Variants in CSMD1 observed in about 807,000 individuals in gnomAD.
CSMD1 encodes the protein CUB and Sushi multiple domains 1.
In CSMD1, 213 loss-of-function variants were observed where a neutral mutation model predicts 417.5. That is an observed-to-expected ratio of 0.51 (90% CI 0.46 to 0.57). The LOEUF is 0.57. Among genes scored for constraint, CSMD1 ranks in the 20% least tolerant of loss-of-function variants. The pLI is 0.00. For synonymous variants in CSMD1, 2,862 were observed against 1,736.8 expected (o/e 1.65, Z -16.11); for missense variants, 6,923 against 4,529.7 (o/e 1.53, Z -15.17).
At chr8:4,016,581 C>T (rs772433893) in intron 4 of CSMD1, among the ~76,000 whole-genome samples, 1 of 152,126 alleles carries the variant, frequency 6.6e-6, no homozygotes. Context: ...GTCCTCAATC[C>T]TAAAAAGCCT....
chr8:3,196,545 A>G (rs1207646577), intron 33 of CSMD1, among the ~76,000 whole-genome samples: 1 of 152,136 alleles, frequency 6.6e-6, no homozygotes, highest in African/African-American at 2.4e-5. Context: ...AGATACTCTT[A>G]TACTTCAGGA....
intron 5 of CSMD1, among the ~76,000 whole-genome samples, chr8:3,939,929 C>T (rs965331494): frequency 2.6e-5 from 4 of 152,022 alleles, no homozygotes; most frequent in African/African-American, 9.7e-5. Flanking sequence ...TCTCGGATGA[C>T]AGGTGCACCG....
chr8:4,712,008 G>C (rs1808333206), intron 1 of CSMD1, among the ~76,000 whole-genome samples: 1 of 152,118 alleles, frequency 6.6e-6, no homozygotes, highest in African/African-American at 2.4e-5. Flanking sequence ...GGCTTCCTAA[G>C]AGTCTACAGA....
At chr8:3,601,956 A>T (rs1039816774) in intron 8 of CSMD1, among the ~76,000 whole-genome samples, 4 of 152,188 alleles carry the variant, frequency 2.6e-5, no homozygotes, top group Non-Finnish European at 5.9e-5. Context: ...TCCCAGGAAC[A>T]GGAAGTACAA....
chr8:3,335,342 G>A (rs190744024), intron 23 of CSMD1, among the ~76,000 whole-genome samples: 62 of 152,288 alleles, frequency 4.1e-4, no homozygotes, highest in African/African-American at 1.4e-3. Context: ...ACAGCCAGTG[G>A]TGTGTGTCCC....
At chr8:4,419,177 A>G (rs1009282052) in intron 3 of CSMD1, among the ~76,000 whole-genome samples, 22 of 152,178 alleles carry the variant, frequency 1.4e-4, no homozygotes, top group African/African-American at 5.3e-4. Context: ...ACCCCTAACG[A>G]TAGATTGCTT....
chr8:3,937,566 C>G (rs191866609), intron 5 of CSMD1, among the ~76,000 whole-genome samples: 2 of 152,262 alleles, frequency 1.3e-5, no homozygotes, highest in Non-Finnish European at 1.5e-5. Flanking sequence ...CAACAGAATG[C>G]AGTGTCATGT....
At chr8:4,874,835 GTT>G (rs1802950423) in intron 1 of CSMD1, among the ~76,000 whole-genome samples, 1 of 148,462 alleles carries the variant, frequency 6.7e-6, no homozygotes. Flanking sequence ...CTTAATTCTG[GTT>G]TATATATATA....
chr8:3,771,210 C>A (rs922451130), intron 5 of CSMD1, among the ~76,000 whole-genome samples: 3 of 152,006 alleles, frequency 2.0e-5, no homozygotes, highest in Non-Finnish European at 4.4e-5. Flanking sequence ...TTTTTGGGGC[C>A]AGCTACTTTG....
intron 27 of CSMD1, among the ~76,000 whole-genome samples, chr8:3,226,453 C>T (rs759914284): frequency 1.4e-4 from 22 of 151,900 alleles, no homozygotes; most frequent in Admixed American, 3.3e-4. Context: ...CGTGGTGGCA[C>T]GCACCTATAA....
At chr8:4,454,043 C>G (rs1585103192) in intron 2 of CSMD1, among the ~76,000 whole-genome samples, 1 of 151,812 alleles carries the variant, frequency 6.6e-6, no homozygotes, top group South Asian at 2.1e-4. Flanking sequence ...GGGATGGTCT[C>G]GATCTCCTGA....
chr8:4,821,001 C>T (rs1005213608), intron 1 of CSMD1, among the ~76,000 whole-genome samples: 1 of 152,120 alleles, frequency 6.6e-6, no homozygotes, highest in East Asian at 1.9e-4. Context: ...TGCACGTAGT[C>T]ATTAGAATGT....
chr8:3,609,894 T>C (rs1236834057), intron 8 of CSMD1, among the ~76,000 whole-genome samples: 1 of 135,402 alleles, frequency 7.4e-6, no homozygotes, highest in Non-Finnish European at 1.6e-5. Context: ...TCTCGGCTCC[T>C]GGGTTCAAAC....
chr8:4,945,571 A>T (rs574527282), intron 1 of CSMD1, among the ~76,000 whole-genome samples: 5 of 152,140 alleles, frequency 3.3e-5, no homozygotes, highest in Non-Finnish European at 7.3e-5. Flanking sequence ...AAAAATAAAG[A>T]CAAGAATAGC....
chr8:3,757,446 T>A (rs970368114), intron 5 of CSMD1, among the ~76,000 whole-genome samples: 6 of 152,194 alleles, frequency 3.9e-5, no homozygotes, highest in Admixed American at 2.0e-4. Context: ...TGTCACAAAA[T>A]AGTTACTTTT....
intron 5 of CSMD1, among the ~76,000 whole-genome samples, chr8:3,956,164 A>C (rs189261489): frequency 2.2e-3 from 335 of 149,816 alleles, no homozygotes; most frequent in African/African-American, 7.9e-3. Context: ...CTTAGATGCA[A>C]AAAGGTTGTA....
At position 4,398,916 on chromosome 8, in the gene CSMD1, C is replaced by A. The variant is rs905059459; in HGVS notation, c.415+21037G>T. Among the ~76,000 whole-genome samples, 3 of 152,060 alleles carry A rather than the reference C, an allele frequency of 2.0e-5. No individual in the cohort carries two copies. The East Asian group carries it at 5.8e-4, about 29-fold the overall frequency. On this transcript the variant is annotated intron_variant, in intron 3 of 69. Transcript: ENST00000635120. ...AAATAAAAGTCTCTAATTCACAAAT[C>A]CATTTAAGATGCTCCAGAATATATT...
chr8:4,744,536 A>G (rs1014862126), intron 1 of CSMD1, among the ~76,000 whole-genome samples: 4 of 152,334 alleles, frequency 2.6e-5, no homozygotes, highest in South Asian at 2.1e-4. Flanking sequence ...TTACCTGTCT[A>G]TATTTAGAGT....
intron 3 of CSMD1, among the ~76,000 whole-genome samples, chr8:4,139,323 T>C (rs908094843): frequency 6.6e-6 from 1 of 152,148 alleles, no homozygotes; most frequent in Non-Finnish European, 1.5e-5. Context: ...TATACGAAAA[T>C]TTATTACAAA....
Sources: gnomAD v4.1 joint callset for allele counts (sites outside exome capture counted in the v4.1 genomes callset) on GRCh38, gnomAD v4.1.1 for gene constraint, MANE v1.5 for transcripts, NCBI Gene and HGNC (gene_info 2026-07-23, HGNC 2026-07-21) for gene names.